The following CCDC117 variants were observed in gnomAD, a reference collection of about 807,000 sequenced individuals.
The protein encoded by CCDC117 is coiled-coil domain-containing protein 117.
CCDC117 carries 1 observed loss-of-function variant against 23.5 expected under a neutral mutation model. The observed-to-expected ratio is 0.04, with a 90% CI of 0.02 to 0.20. The LOEUF (loss-of-function observed/expected upper bound fraction) is 0.20, where lower values mean the gene tolerates loss of function less well. Among genes scored for constraint, CCDC117 ranks in the 10% least tolerant of loss-of-function variants. CCDC117 has a pLI of 1.00. For synonymous variants in CCDC117, 132 were observed against 124.8 expected, an observed-to-expected ratio of 1.06 and a Z score of -0.39; for missense variants, 383 against 348.2, an observed-to-expected ratio of 1.10 and a Z score of -0.80.
At chr22:28,781,349 T>TTTTTTTTTTTG (rs2031324697) in intron 3 of CCDC117, among the ~76,000 whole-genome samples, 177 bp downstream of exon 3, 1 of 10,004 alleles carries the variant, frequency 1.0e-4, no homozygotes, top group Non-Finnish European at 1.5e-4. Flanking sequence ...TTTTTTTTTT[T>TTTTTTTTTTTG]TTTTTTTTTT....
At chr22:28,782,538 A>G (rs146594907) in intron 3 of CCDC117, among the ~76,000 whole-genome samples, 6,455 of 152,204 alleles carry the variant, frequency 0.042, 196 homozygotes, top group Non-Finnish European at 0.065. Flanking sequence ...TCCCGGGTTC[A>G]GGCGATTCTC....
intron 2 of CCDC117, among the ~76,000 whole-genome samples, chr22:28,774,780 T>C (rs1346719307): frequency 2.0e-5 from 3 of 152,156 alleles, no homozygotes; most frequent in Non-Finnish European, 4.4e-5. Context: ...CAAGTGTTTT[T>C]CTTTTTCTTT....
intron 2 of CCDC117, among the ~76,000 whole-genome samples, chr22:28,774,358 C>T (rs1232038901): frequency 6.7e-5 from 10 of 149,986 alleles, no homozygotes; most frequent in African/African-American, 2.2e-4. Flanking sequence ...TGAGCCGCCC[C>T]GGCCTGAAAA....
At chr22:28,777,500 CTTTTCTTTTTTT>C (rs976299847) in intron 2 of CCDC117, among the ~76,000 whole-genome samples, 14 of 146,480 alleles carry the variant, frequency 9.6e-5, no homozygotes, top group East Asian at 2.0e-4. Context: ...TACTGGACAT[CTTTTCTTTTTTT>C]TTTTCTTTTT....
chr22:28,786,242 G>C lies in CCDC117; in HGVS notation c.756G>C (p.Leu252=). 1 of 1,614,128 alleles carries C rather than the reference G, an allele frequency of 6.2e-7. No homozygotes were observed. Among genetic ancestry groups the C allele is most frequent in the South Asian group, 1.1e-5 (1 of 91,088 alleles). Residue 252 remains leucine, a synonymous_variant, in exon 5 of 5, where the codon CTG becomes CTC. Coordinates refer to ENST00000249064, the MANE Select transcript of CCDC117 (RefSeq NM_173510.4). ...CTGCCTTCCCTCAGAGAACTGAACT[G>C]TTTTCGGAACCTCGGCCAACAGGGA... is the stretch of plus-strand genomic sequence containing the variant. ...AGTAFPQRTE[L]FSEPRPTGMS...
chr22:28,774,033 ATAATT>A lies in CCDC117; in HGVS notation c.239+259_239+263del, dbSNP rs1392734731. 2.0e-5 allele frequency among the ~76,000 whole-genome samples: 3 copies of A among 152,144 alleles called. No individual in the cohort carries two copies. The South Asian group carries it at 6.2e-4, about 32-fold the overall frequency. ...GTTAATATTACATGCACAAAGTAAA[ATAATT>A]TAAAGGATACATATTGAAAAGTTTT... On this transcript the variant is annotated intron_variant, in intron 2 of 4. Transcript: ENST00000249064.
chr22:28,783,369 C>A (rs1474346367), intron 3 of CCDC117, 139 bp from the exon 4 acceptor site: 3 of 724,182 alleles, frequency 4.1e-6, no homozygotes, highest in South Asian at 1.9e-5. Context: ...TCAGGTATAG[C>A]CTCATTTTTT....
chr22:28,776,433 T>C (rs569209773), intron 2 of CCDC117, among the ~76,000 whole-genome samples: 1 of 152,110 alleles, frequency 6.6e-6, no homozygotes, highest in African/African-American at 2.4e-5. Flanking sequence ...CTTTTCTTTT[T>C]TTTTTTTTCC....
At chr22:28,779,960 G>C (rs191217334) in intron 2 of CCDC117, among the ~76,000 whole-genome samples, 1 of 152,276 alleles carries the variant, frequency 6.6e-6, no homozygotes, top group Non-Finnish European at 1.5e-5. Flanking sequence ...TGGGTATATC[G>C]TAGTGCTTGC....
In CCDC117 at chr22:28,772,991, C is replaced by G; in HGVS notation, c.142C>G (p.Arg48Gly). 1 of 1,197,274 alleles carries G rather than the reference C, an allele frequency of 8.4e-7. No homozygotes were observed. The highest frequency in any genetic ancestry group is 1.0e-6 in the Non-Finnish European group (1 of 965,448). 74.2% of individuals were successfully genotyped at this position (1,197,274 alleles called of 1,614,324 possible). The change falls in exon 1 of 5, where the codon CGC becomes GGC. Residue 48 changes from arginine to glycine, a missense_variant. Physicochemically the swap from Arg to Gly is moderately radical, Grantham distance 125. Coordinates refer to ENST00000249064, the MANE Select transcript of CCDC117 (RefSeq NM_173510.4). The stretch of plus-strand genomic sequence containing the variant: ...CGAGTTGGCCCCGCGGCCGGGACCT[C>G]GCGCAGTCCCTAGCAGTCCCGCTGG... The part of the protein sequence containing the change: ...GAELAPRPGP[R>G]AVPSSPAGSA...
At position 28,789,282 on chromosome 22, in the gene CCDC117, TTAAG is replaced by T. The variant is rs1177617975; in HGVS notation, c.*2958_*2961del. 6 of 152,346 alleles carry T rather than the reference TTAAG, an allele frequency of 3.9e-5. No individual in the cohort carries two copies. The highest frequency in any genetic ancestry group is 2.6e-4 in the Admixed American group (4 of 15,294). The allele number at this position is 152,346 out of a possible 1,614,324, so 9.4% of individuals were successfully genotyped here. A position where few individuals can be genotyped will look rare whatever the true frequency, so the allele number is the denominator to read the frequency against. On this transcript the variant is annotated 3_prime_UTR_variant, in exon 5 of 5. Coordinates refer to ENST00000249064, the MANE Select transcript of CCDC117 (RefSeq NM_173510.4). Reference sequence around the variant, plus strand: ...ATTTTATCGTTTTCAATAAAACTTCTTAAGTGTTTTGGACTTTTGAGATATTTGT... The same window carrying T: ...ATTTTATCGTTTTCAATAAAACTTCTTGTTTTGGACTTTTGAGATATTTGT...
chr22:28,777,589 A>T (rs572118864), intron 2 of CCDC117, among the ~76,000 whole-genome samples: 58 of 145,904 alleles, frequency 4.0e-4, no homozygotes, highest in African/African-American at 1.5e-3. Context: ...GACTCACTTT[A>T]ACCTCCACCT....
intron 2 of CCDC117, among the ~76,000 whole-genome samples, chr22:28,777,376 A>G: frequency 6.6e-6 from 1 of 151,822 alleles, no homozygotes; most frequent in East Asian, 1.9e-4. Context: ...TTTGTTTTGT[A>G]ATTATTTGTT....
At chr22:28,783,050 T>G (rs908948972) in intron 3 of CCDC117, among the ~76,000 whole-genome samples, 1 of 152,216 alleles carries the variant, frequency 6.6e-6, no homozygotes, top group African/African-American at 2.4e-5. Flanking sequence ...GTATAGTTTT[T>G]TTTTGTTTTG....
At chr22:28,776,640 A>G (rs1303813151) in intron 2 of CCDC117, among the ~76,000 whole-genome samples, 2 of 149,940 alleles carry the variant, frequency 1.3e-5, no homozygotes, top group South Asian at 4.2e-4. Flanking sequence ...GCTGGAGCGC[A>G]ATGGTGCAAT....
chr22:28,777,809 T>C (rs1288204656), intron 2 of CCDC117, among the ~76,000 whole-genome samples: 1 of 151,844 alleles, frequency 6.6e-6, no homozygotes, highest in African/African-American at 2.4e-5. Context: ...TCCTGGCTGT[T>C]TATGCAAATT....
chr22:28,774,141 C>T (rs1444003521), intron 2 of CCDC117, among the ~76,000 whole-genome samples: 4 of 148,626 alleles, frequency 2.7e-5, no homozygotes, highest in Admixed American at 6.7e-5. Flanking sequence ...TATGTGGGCT[C>T]ACTGCAATCT....
intron 3 of CCDC117, among the ~76,000 whole-genome samples, chr22:28,782,091 C>T (rs1461005405): frequency 4.6e-5 from 7 of 151,872 alleles, no homozygotes; most frequent in African/African-American, 7.3e-5. Flanking sequence ...GCATGTGCCA[C>T]CACCCCTGGC....
intron 4 of CCDC117, among the ~76,000 whole-genome samples, chr22:28,784,770 T>A (rs1043479425): frequency 1.3e-5 from 2 of 152,162 alleles, no homozygotes; most frequent in African/African-American, 4.8e-5. Context: ...ATCTCGTTTT[T>A]TTTGTTGTTG....
Sources: gnomAD v4.1 joint callset for allele counts (sites outside exome capture counted in the v4.1 genomes callset) on GRCh38, gnomAD v4.1.1 for gene constraint, MANE v1.5 for transcripts, NCBI Gene and HGNC (gene_info 2026-07-23, HGNC 2026-07-21) for gene names.